Variants in GNG4 observed in about 807,000 individuals in gnomAD.
The protein encoded by GNG4 is guanine nucleotide-binding protein G(I)/G(S)/G(O) subunit gamma-4.
A neutral mutation model predicts 5.8 loss-of-function variants in GNG4; 4 were observed. The observed-to-expected ratio is 0.69, with a 90% CI of 0.34 to 1.57. The LOEUF (loss-of-function observed/expected upper bound fraction) is 1.57, where lower values mean the gene tolerates loss of function less well. Ranked by LOEUF, GNG4 falls within the 40% of genes most tolerant of loss-of-function variation. The pLI is 0.06. For missense variants in GNG4, 96 were observed against 95.1 expected, an observed-to-expected ratio of 1.01 and a Z score of -0.04; for synonymous variants, 29 against 32.9, an observed-to-expected ratio of 0.88 and a Z score of 0.41.
rs147781174 is a variant in GNG4, at chr1:235,599,183, G to A, written c.-122-3672C>T. 3.5e-3 allele frequency among the ~76,000 whole-genome samples: 531 copies of A among 152,308 alleles called. 2 individuals carry two copies. Among genetic ancestry groups the A allele is most frequent in the African/African-American group, 0.012 (484 of 41,564 alleles). On this transcript the variant is annotated intron_variant, in intron 1 of 3. Coordinates refer to ENST00000391854, the MANE Select transcript of GNG4 (RefSeq NM_001098722.2). ...TGGGACCTCGGGGAGGCTGCATGCT[G>A]CTACTCACAGCCTGGTGGGAGACAT...
At chr1:235,576,353 C>T (rs2841879) in intron 3 of GNG4, among the ~76,000 whole-genome samples, 101,833 of 152,046 alleles carry the variant, frequency 0.67, 34,449 homozygotes, top group East Asian at 0.87. Context: ...TGAGCCACCG[C>T]GCCCAACCAT....
chr1:235,645,881 C>T (rs1422596131), intron 1 of GNG4, among the ~76,000 whole-genome samples: 1 of 151,382 alleles, frequency 6.6e-6, no homozygotes, highest in African/African-American at 2.4e-5. Flanking sequence ...CCCTGCCTCT[C>T]TTTCTTTGTT....
chr1:235,558,412 G>C (rs2102914375), intron 3 of GNG4, among the ~76,000 whole-genome samples: 1 of 152,292 alleles, frequency 6.6e-6, no homozygotes, highest in East Asian at 1.9e-4. Context: ...AACCCCTGAA[G>C]TTTATTGTTA....
chr1:235,634,870 G>T (rs562136772), intron 1 of GNG4, among the ~76,000 whole-genome samples: 2 of 152,222 alleles, frequency 1.3e-5, no homozygotes, highest in South Asian at 4.1e-4. Flanking sequence ...GGAGGCGGAG[G>T]TTGCAGTGAG....
At chr1:235,576,525 C>A (rs1465903599) in intron 3 of GNG4, among the ~76,000 whole-genome samples, 1 of 152,114 alleles carries the variant, frequency 6.6e-6, no homozygotes, top group Non-Finnish European at 1.5e-5. Context: ...GTATTATTTT[C>A]CAAGCTTTGT....
chr1:235,586,139 A>G (rs919509236), intron 2 of GNG4, among the ~76,000 whole-genome samples: 2 of 152,362 alleles, frequency 1.3e-5, no homozygotes, highest in Admixed American at 1.3e-4. Flanking sequence ...CAGCCACCCA[A>G]ATCAGAGTTT....
upstream of GNG4, chr1:235,649,810 G>C (rs1382477454): frequency 2.0e-5 from 3 of 149,496 alleles, no homozygotes; most frequent in Admixed American, 2.0e-4. This position sits in a 1 kb window ranked among gnomAD's most constrained non-coding sequence, Gnocchi z 5.7. Flanking sequence ...CGGGGTCTCC[G>C]CGTCCCGTCA....
intron 1 of GNG4, chr1:235,616,175 G>T: frequency 1.9e-6 from 1 of 519,584 alleles, no homozygotes; most frequent in Non-Finnish European, 3.8e-6. Flanking sequence ...TGGCATCCTG[G>T]CCAGCAGCCA....
intron 1 of GNG4, among the ~76,000 whole-genome samples, chr1:235,610,022 C>T (rs912981423): frequency 6.6e-6 from 1 of 152,152 alleles, no homozygotes; most frequent in Admixed American, 6.5e-5. Context: ...TGATACGTTA[C>T]CATCATCTAA....
At chr1:235,587,739 G>C (rs1687849004) in intron 2 of GNG4, among the ~76,000 whole-genome samples, 1 of 148,400 alleles carries the variant, frequency 6.7e-6, no homozygotes, top group African/African-American at 2.5e-5. Flanking sequence ...TCAGGGTTCA[G>C]GGTGGGGGTG....
intron 3 of GNG4, among the ~76,000 whole-genome samples, chr1:235,568,177 G>A (rs1428379677): frequency 6.8e-6 from 1 of 146,808 alleles, no homozygotes; most frequent in Non-Finnish European, 1.5e-5. Flanking sequence ...TTAAACCTAT[G>A]ACTGCCTTGG....
intron 3 of GNG4, among the ~76,000 whole-genome samples, chr1:235,556,286 C>A (rs530818959): frequency 1.5e-4 from 23 of 151,832 alleles, no homozygotes; most frequent in African/African-American, 5.1e-4. Flanking sequence ...GGGCCGGGCA[C>A]GGTGGCTCAC....
In GNG4 at chr1:235,649,023, C is replaced by A. The variant is rs1291336809; in HGVS notation, c.-123+639G>T. ...TTAAAAAATCAAGCCAAACAAAGCTCCCCGGTTGCTGCCGGGCGCGCGCGG... is the reference window on the plus strand; with the variant it reads ...TTAAAAAATCAAGCCAAACAAAGCTACCCGGTTGCTGCCGGGCGCGCGCGG... On this transcript the variant is annotated intron_variant, in intron 1 of 3. Coordinates refer to ENST00000391854, the MANE Select transcript of GNG4 (RefSeq NM_001098722.2). This position sits in a 1 kb window ranked among gnomAD's most constrained non-coding sequence, Gnocchi z 5.7. Among the ~76,000 whole-genome samples the A allele has an allele frequency of 6.6e-6, 1 of 152,190 alleles. No homozygotes were observed. The highest frequency in any genetic ancestry group is 1.5e-5 in the Non-Finnish European group (1 of 68,034).
At chr1:235,613,045 A>C (rs1688514496) in intron 1 of GNG4, among the ~76,000 whole-genome samples, 1 of 151,880 alleles carries the variant, frequency 6.6e-6, no homozygotes, top group Non-Finnish European at 1.5e-5. Context: ...CCCATGATCT[A>C]ATCACCTCCT....
At chr1:235,576,882 CT>C (rs1194042663) in intron 3 of GNG4, among the ~76,000 whole-genome samples, 1 of 152,132 alleles carries the variant, frequency 6.6e-6, no homozygotes, top group Non-Finnish European at 1.5e-5. Context: ...TGCACTTGTG[CT>C]TTTGTGCAAA....
chr1:235,597,588 CTGTG>C (rs386417904), intron 1 of GNG4, among the ~76,000 whole-genome samples: 12,959 of 74,070 alleles, frequency 0.17, 1,399 homozygotes, highest in Middle Eastern at 0.26. Flanking sequence ...AACTTGTTTG[CTGTG>C]TGTGTGTGTG....
intron 1 of GNG4, among the ~76,000 whole-genome samples, chr1:235,607,009 G>A (rs1228989852): frequency 7.0e-6 from 1 of 142,704 alleles, no homozygotes; most frequent in African/African-American, 2.7e-5. Context: ...TGTGATCTCA[G>A]CTCACTGCAA....
intron 2 of GNG4, among the ~76,000 whole-genome samples, chr1:235,593,547 T>G (rs1688040537): frequency 6.6e-6 from 1 of 152,238 alleles, no homozygotes; most frequent in Non-Finnish European, 1.5e-5. Context: ...GTTCTTGGTC[T>G]CACCAACTTC....
chr1:235,592,807 C>A (rs1165622790), intron 2 of GNG4, among the ~76,000 whole-genome samples: 2 of 152,160 alleles, frequency 1.3e-5, no homozygotes, highest in Non-Finnish European at 2.9e-5. Context: ...AGCTACTGGT[C>A]AGGATTTGAG....
Sources: gnomAD v4.1 joint callset for allele counts (sites outside exome capture counted in the v4.1 genomes callset) on GRCh38, gnomAD v4.1.1 for gene constraint, Gnocchi (gnomAD v3.1) non-coding constraint, MANE v1.5 for transcripts, NCBI Gene and HGNC (gene_info 2026-07-23, HGNC 2026-07-21) for gene names.